MERTK: variants seen among roughly 807,000 people sequenced by gnomAD.
MERTK encodes MER proto-oncogene, tyrosine kinase.
In MERTK, 69 loss-of-function variants were observed where a neutral mutation model predicts 99.3. The ratio of observed to expected loss-of-function variants is 0.70; its 90% CI spans 0.57 to 0.85. The LOEUF (loss-of-function observed/expected upper bound fraction) is 0.85, where lower values mean the gene tolerates loss of function less well. Among genes scored for constraint, MERTK ranks in the 40% least tolerant of loss-of-function variants. MERTK has a pLI of 0.00. For synonymous variants in MERTK, 426 were observed against 467.6 expected (o/e 0.91, Z 1.15); for missense variants, 1,125 against 1,249.4 (o/e 0.90, Z 1.50).
chr2:111,903,788 G>A (rs572428094), intron 1 of MERTK, among the ~76,000 whole-genome samples: 1 of 152,294 alleles, frequency 6.6e-6, no homozygotes, highest in African/African-American at 2.4e-5. Flanking sequence ...TACAGTGGGA[G>A]GCTCTTTTCA....
At chr2:111,938,363 T>C (rs1033476408) in intron 2 of MERTK, among the ~76,000 whole-genome samples, 84 of 152,278 alleles carry the variant, frequency 5.5e-4, no homozygotes, top group African/African-American at 1.9e-3. Flanking sequence ...TCCCACAGTC[T>C]ACTTTCTTTC....
At chr2:111,958,661 T>C (rs1028823989) in intron 4 of MERTK, among the ~76,000 whole-genome samples, 1 of 152,182 alleles carries the variant, frequency 6.6e-6, no homozygotes, top group African/African-American at 2.4e-5. Context: ...TAGATTGTTT[T>C]TTTGACCTTG....
chr2:111,898,607 A>T lies in MERTK; in HGVS notation c.-129A>T. 2 of 1,038,444 alleles carry T rather than the reference A, an allele frequency of 1.9e-6. No individual in the cohort carries two copies. Among genetic ancestry groups the T allele is most frequent in the Non-Finnish European group, 2.8e-6 (2 of 710,648 alleles). The allele number at this position is 1,038,444 out of a possible 1,614,324, so 64.3% of individuals were successfully genotyped here. On this transcript the variant is annotated 5_prime_UTR_variant, in exon 1 of 19. Coordinates refer to ENST00000295408, the MANE Select transcript of MERTK (RefSeq NM_006343.3). ...CTCCCGCCGGCCGCTTGGCTCCGCCACTCGGCACTCACTGCCCGGGCCGCC... is the reference window on the plus strand; with the variant it reads ...CTCCCGCCGGCCGCTTGGCTCCGCCTCTCGGCACTCACTGCCCGGGCCGCC...
intron 3 of MERTK, among the ~76,000 whole-genome samples, 160 bp from the exon 4 acceptor site, chr2:111,947,234 C>G (rs1169853598): frequency 6.6e-6 from 1 of 152,174 alleles, no homozygotes; most frequent in African/African-American, 2.4e-5. Context: ...CATCAGGCCA[C>G]TGCACTCCAG....
chr2:112,003,988 A>G lies in MERTK; in HGVS notation c.1867+4A>G. ...GTGGCAGTGAAGACCATGAAGTGTGAGTTATCAGTGATGAATCCCATTCTT... is the reference window on the plus strand; with the variant it reads ...GTGGCAGTGAAGACCATGAAGTGTGGGTTATCAGTGATGAATCCCATTCTT... On this transcript the variant is annotated splice_donor_region_variant and intron_variant, in intron 13 of 18. Transcript: ENST00000295408. 6.2e-7 allele frequency: 1 copy of G among 1,609,166 alleles called. No homozygotes were observed. The highest frequency in any genetic ancestry group is 8.5e-7 in the Non-Finnish European group (1 of 1,175,732).
intron 4 of MERTK, among the ~76,000 whole-genome samples, chr2:111,962,925 G>A (rs1685278316): frequency 6.6e-6 from 1 of 152,180 alleles, no homozygotes; most frequent in Non-Finnish European, 1.5e-5. Context: ...AAGACACAGA[G>A]ATAAAGTATA....
chr2:112,015,928 C>T (rs796265298), intron 15 of MERTK: 6 of 145,112 alleles, frequency 4.1e-5, no homozygotes, highest in African/African-American at 1.5e-4. Context: ...CATGAAAAGA[C>T]TGTCCTTAAT....
chr2:111,963,606 C>G (rs1197413171), intron 4 of MERTK, among the ~76,000 whole-genome samples: 1 of 152,216 alleles, frequency 6.6e-6, no homozygotes, highest in Non-Finnish European at 1.5e-5. Context: ...TAACAAAGCA[C>G]ATCTTGCACA....
chr2:112,001,363 TAACAAAAGCCAA>T, intron 11 of MERTK, 77 bp downstream of exon 11: 1 of 1,170,138 alleles, frequency 8.5e-7, no homozygotes, highest in Non-Finnish European at 1.3e-6. Context: ...GACAGATTTC[TAACAAAAGCCAA>T]AGATGTCGAA....
chr2:112,010,151 G>A (rs960100171), intron 15 of MERTK, 85 bp downstream of exon 15: 10 of 1,049,122 alleles, frequency 9.5e-6, no homozygotes, highest in Non-Finnish European at 1.5e-5. Flanking sequence ...AATCTTGAAA[G>A]TGAAGCCAGG....
chr2:111,994,488 A>G (rs751491000), intron 9 of MERTK, 84 bp downstream of exon 9: 3 of 1,547,414 alleles, frequency 1.9e-6, no homozygotes, highest in Non-Finnish European at 1.8e-6. Context: ...TGGGGGATGG[A>G]TGGCTGATTA....
At chr2:111,919,799 C>CTTTTT (rs5833425) in intron 1 of MERTK, among the ~76,000 whole-genome samples, 4 of 130,414 alleles carry the variant, frequency 3.1e-5, no homozygotes, top group Non-Finnish European at 3.3e-5. Context: ...TTTTTCTTTT[C>CTTTTT]TTTTTTTTTT....
chr2:111,985,424 T>G (rs1676456998), intron 8 of MERTK, among the ~76,000 whole-genome samples: 1 of 152,164 alleles, frequency 6.6e-6, no homozygotes, highest in South Asian at 2.1e-4. Flanking sequence ...ACTGGTTTCA[T>G]TATCAAGTCT....
At chr2:111,961,432 G>A (rs1223436629) in intron 4 of MERTK, among the ~76,000 whole-genome samples, 2 of 152,012 alleles carry the variant, frequency 1.3e-5, no homozygotes, top group Non-Finnish European at 2.9e-5. Flanking sequence ...TGGGATTACA[G>A]GCATGAGCCA....
chr2:112,016,690 A>G (rs1677222864), intron 15 of MERTK, among the ~76,000 whole-genome samples: 1 of 152,262 alleles, frequency 6.6e-6, no homozygotes. Flanking sequence ...GATCGATAGT[A>G]CAAAGGGAGA....
At chr2:111,953,597 A>G (rs1408086514) in intron 4 of MERTK, among the ~76,000 whole-genome samples, 1 of 151,394 alleles carries the variant, frequency 6.6e-6, no homozygotes, top group Non-Finnish European at 1.5e-5. Flanking sequence ...TTGTTTTGAG[A>G]TGCAGTTTTG....
At chr2:111,995,447 T>C (rs558738937) in intron 9 of MERTK, 1 of 188,552 alleles carries the variant, frequency 5.3e-6, no homozygotes, top group East Asian at 1.9e-4. Context: ...TTGCCAAACA[T>C]GACCTTTGTA....
chr2:111,912,117 C>G (rs1684261641), intron 1 of MERTK, among the ~76,000 whole-genome samples: 1 of 151,982 alleles, frequency 6.6e-6, no homozygotes, highest in African/African-American at 2.4e-5. Context: ...ATTCTCCTGC[C>G]TCAGCCTACC....
intron 4 of MERTK, among the ~76,000 whole-genome samples, chr2:111,957,348 C>G (rs1685167898): frequency 6.6e-6 from 1 of 152,054 alleles, no homozygotes; most frequent in Admixed American, 6.6e-5. Context: ...GGCAAAAGGC[C>G]TCTCCCACAT....
Sources: allele counts gnomAD v4.1 joint callset (sites outside exome capture counted in the v4.1 genomes callset), GRCh38; gene constraint gnomAD v4.1.1; transcripts MANE v1.5; gene names NCBI Gene and HGNC (gene_info 2026-07-23, HGNC 2026-07-21).